MCM3AP: variants seen among roughly 807,000 people sequenced by gnomAD.
The protein encoded by MCM3AP is minichromosome maintenance complex component 3 associated protein.
MCM3AP carries 126 observed loss-of-function variants against 184.1 expected under a neutral mutation model. The observed-to-expected ratio is 0.68, with a 90% CI of 0.59 to 0.79. The LOEUF (loss-of-function observed/expected upper bound fraction) is 0.79, where lower values mean the gene tolerates loss of function less well. MCM3AP is among the 30% of genes least tolerant of loss of function. The probability of loss-of-function intolerance (pLI) is 0.00; values close to 1 mark genes in which losing one functional copy is unlikely to be tolerated. For synonymous variants in MCM3AP, 1,002 were observed against 979.3 expected, an observed-to-expected ratio of 1.02 and a Z score of -0.43; for missense variants, 2,496 against 2,479.2, an observed-to-expected ratio of 1.01 and a Z score of -0.14.
At position 46,246,764 on chromosome 21, in the gene MCM3AP, C is replaced by G. The variant is rs1413107414; in HGVS notation, c.4413G>C (p.Glu1471Asp). ...PPKMKSEDMA[E>D]EDVYWLSALL... ...AGGCCGACAGCCAGTACACGTCCTC[C>G]TCTGCCATGTCCTCACTCTTCATTT... Residue 1471 changes from glutamate (E) to aspartate (D), a missense_variant, in exon 21 of 28, where the codon GAG becomes GAC. Glu to Asp is a conservative substitution (Grantham distance 45). Transcript: ENST00000291688. The G allele has an allele frequency of 1.2e-6, 2 of 1,614,122 alleles. No homozygotes were observed. Among genetic ancestry groups the G allele is most frequent in the Non-Finnish European group, 1.7e-6 (2 of 1,180,056 alleles).
chr21:46,266,339 C>A (rs2081111926), intron 10 of MCM3AP, 173 bp from the exon 11 acceptor site: 2 of 610,240 alleles, frequency 3.3e-6, no homozygotes, highest in South Asian at 5.8e-5. Flanking sequence ...CTCTGTAGGT[C>A]CCTAGAACCA....
At position 46,243,601 on chromosome 21, in the gene MCM3AP, C is replaced by G. The variant is rs759958528; in HGVS notation, c.5160G>C (p.Arg1720Ser). The part of the protein sequence containing the change: ...VENLLHRTYC[R>S]WKSKSPSPVH... Reference sequence around the variant, plus strand: ...CTGGGGAGGGACTCTTGCTCTTCCACCTACAGTAGGTTCTGTGGAGCAGGT... The same window carrying G: ...CTGGGGAGGGACTCTTGCTCTTCCAGCTACAGTAGGTTCTGTGGAGCAGGT... The change falls in exon 24 of 28, where the codon AGG becomes AGC. Residue 1720 changes from arginine (R) to serine (S), a missense_variant. Coordinates refer to ENST00000291688, the MANE Select transcript of MCM3AP (RefSeq NM_003906.5). The G allele has an allele frequency of 3.7e-6, 6 of 1,614,240 alleles. No homozygotes were observed. Among genetic ancestry groups the G allele is most frequent in the Non-Finnish European group, 5.1e-6 (6 of 1,180,048 alleles).
At chr21:46,254,239 A>AAC in intron 19 of MCM3AP, 153 bp downstream of exon 19, 1 of 789,514 alleles carries the variant, frequency 1.3e-6, no homozygotes, top group Non-Finnish European at 2.0e-6. Context: ...ACTTAAAATC[A>AAC]TGAGCAAAAC....
chr21:46,239,880 G>A (rs1377474328), intron 26 of MCM3AP, among the ~76,000 whole-genome samples: 2 of 152,072 alleles, frequency 1.3e-5, no homozygotes, highest in Non-Finnish European at 2.9e-5. Context: ...AGGAGGGGAG[G>A]ATCAAGTATG....
rs574611806 is a variant in MCM3AP at position 46,235,394 on chromosome 21, T to C, written c.5817A>G (p.Ser1939=). The C allele has an allele frequency of 3.6e-5, 58 of 1,614,150 alleles. No homozygotes were observed. In the East Asian group the frequency reaches 1.2e-3, roughly 35 times the overall value. The change falls in exon 28 of 28, where the codon TCA becomes TCG. Residue 1939 remains serine, a synonymous_variant. Transcript: ENST00000291688. ...SDMMREQLQL[S]EATGTCLGER... ...CGCCTAGACACGTTCCTGTCGCCTC[T>C]GACAGCTGCAGTTGCTCCCTCATCA...
In MCM3AP at chr21:46,243,504, G is replaced by A; in HGVS notation, c.5257C>T (p.Leu1753=). 1 of 1,613,966 alleles carries A rather than the reference G, an allele frequency of 6.2e-7. No individual in the cohort carries two copies. Among genetic ancestry groups the A allele is most frequent in the Non-Finnish European group, 8.5e-7 (1 of 1,179,856 alleles). The change falls in exon 24 of 28, where the codon CTG becomes TTG. Residue 1753 remains leucine, a synonymous_variant. Coordinates refer to ENST00000291688, the MANE Select transcript of MCM3AP (RefSeq NM_003906.5). ...AGCCGGGGGGGCGTCCAGTCTCTCA[G>A]CTTGTGGTTGATACACAAGGCGATA... ...DLIALCINHK[L]RDWTPPRLPV...
At position 46,280,995 on chromosome 21, in the gene MCM3AP, G is replaced by A. The variant is rs573989124; in HGVS notation, c.1444-420C>T. ...AATTTTTTGTATTTGTAGTAGAGAC[G>A]GGGTTTCACCGTGTTAGCCAGGATG... On this transcript the variant is annotated intron_variant, in intron 2 of 27. Transcript: ENST00000291688. Among the ~76,000 whole-genome samples the A allele has an allele frequency of 1.3e-4, 20 of 152,210 alleles. 1 individual carries two copies. In the East Asian group the frequency reaches 3.5e-3, roughly 26 times the overall value.
chr21:46,275,047 G>T, intron 6 of MCM3AP, 139 bp downstream of exon 6: 4 of 889,478 alleles, frequency 4.5e-6, no homozygotes, highest in Non-Finnish European at 6.3e-6. Context: ...ATCTCACAAT[G>T]CAAAACAGCT....
intron 9 of MCM3AP, 152 bp from the exon 10 acceptor site, chr21:46,267,294 A>G: frequency 1.5e-6 from 1 of 667,026 alleles, no homozygotes; most frequent in Non-Finnish European, 2.6e-6. Flanking sequence ...ACGGAACCCA[A>G]GCTTAGAGAT....
intron 2 of MCM3AP, among the ~76,000 whole-genome samples, chr21:46,282,698 C>T (rs986706081): frequency 5.3e-5 from 8 of 151,284 alleles, no homozygotes; most frequent in Admixed American, 1.3e-4. Context: ...CCAGCTACTC[C>T]GGAGGCTGAG....
Position 46,237,033 on chromosome 21 carries a change from T to C in MCM3AP, c.5634-54A>G, listed in dbSNP as rs552693158. The C allele has an allele frequency of 3.2e-5, 36 of 1,132,980 alleles. No individual in the cohort carries two copies. In the East Asian group the frequency reaches 5.9e-4, roughly 19 times the overall value. The allele number at this position is 1,132,980 out of a possible 1,614,324, so 70.2% of individuals were successfully genotyped here. On this transcript the variant is annotated intron_variant, in intron 26 of 27. Coordinates refer to ENST00000291688, the MANE Select transcript of MCM3AP (RefSeq NM_003906.5). Reference sequence around the variant, plus strand: ...TATTTGAGCATTAGGAAGTTAACTATTGTTCATTAATCTTCTATATATACT... The same window carrying C: ...TATTTGAGCATTAGGAAGTTAACTACTGTTCATTAATCTTCTATATATACT...
intron 7 of MCM3AP, among the ~76,000 whole-genome samples, chr21:46,273,113 T>G (rs1415313079): frequency 6.6e-6 from 1 of 152,086 alleles, no homozygotes; most frequent in African/African-American, 2.4e-5. Context: ...TAGCTGGGAC[T>G]ACAGGCGTGT....
intron 5 of MCM3AP, among the ~76,000 whole-genome samples, 194 bp from the exon 6 acceptor site, chr21:46,275,519 C>A (rs2081244770): frequency 6.6e-6 from 1 of 152,306 alleles, no homozygotes; most frequent in Non-Finnish European, 1.5e-5. Context: ...GGCAGTGGGA[C>A]ATCAAAGCTC....
intron 26 of MCM3AP, among the ~76,000 whole-genome samples, chr21:46,240,393 G>A (rs1403173202): frequency 1.3e-5 from 2 of 152,086 alleles, no homozygotes; most frequent in African/African-American, 2.4e-5. Flanking sequence ...TGGGAGGGAG[G>A]GAAGTGGGCA....
chr21:46,272,853 TCA>T (rs1662928875), intron 7 of MCM3AP, 24 bp from the exon 8 acceptor site: 5 of 1,544,032 alleles, frequency 3.2e-6, no homozygotes, highest in Middle Eastern at 1.9e-4. Context: ...AGGGGGAGGA[TCA>T]CACACACATT....
In MCM3AP at chr21:46,284,254, C is replaced by T; in HGVS notation, c.1033G>A (p.Val345Ile). ...CCTACTTCCTTATTGCTTTTGAAAA[C>T]ATCCTGTATCGTCCGACCAAATAAA... Reference protein sequence around the residue: ...GTLFGRTIQDVFKSNKEVGRL... With the variant: ...GTLFGRTIQDIFKSNKEVGRL... The change falls in exon 1 of 28, where the codon GTT becomes ATT. Residue 345 changes from valine (V) to isoleucine (I), a missense_variant. Coordinates refer to ENST00000291688, the MANE Select transcript of MCM3AP (RefSeq NM_003906.5). 12 of 1,614,230 alleles carry T rather than the reference C, an allele frequency of 7.4e-6. No homozygotes were observed. The highest frequency in any genetic ancestry group is 1.0e-5 in the Non-Finnish European group (12 of 1,180,050).
intron 1 of MCM3AP, 24 bp downstream of exon 1, chr21:46,284,044 A>G: frequency 1.9e-6 from 3 of 1,602,022 alleles, no homozygotes; most frequent in African/African-American, 1.3e-5. Context: ...GATTTACTCT[A>G]TGTGCTACAT....
chr21:46,278,241 A>C (rs1328934065), intron 4 of MCM3AP, among the ~76,000 whole-genome samples: 1 of 152,236 alleles, frequency 6.6e-6, no homozygotes, highest in Non-Finnish European at 1.5e-5. Flanking sequence ...AAATAAACTC[A>C]GCATGAAAAA....
intron 4 of MCM3AP, 85 bp from the exon 5 acceptor site, chr21:46,277,802 T>C: frequency 2.6e-6 from 2 of 770,654 alleles, no homozygotes; most frequent in Non-Finnish European, 4.0e-6. Flanking sequence ...CCCTCATCTT[T>C]CAAGATTTTC....
Sources: gnomAD v4.1 joint callset for allele counts (sites outside exome capture counted in the v4.1 genomes callset) on GRCh38, gnomAD v4.1.1 for gene constraint, MANE v1.5 for transcripts, NCBI Gene and HGNC (gene_info 2026-07-23, HGNC 2026-07-21) for gene names.